The following GDA variants were observed in gnomAD, a reference collection of about 807,000 sequenced individuals.
GDA encodes cytoplasmic PSD-95 interactor.
A neutral mutation model predicts 59.6 loss-of-function variants in GDA; 18 were observed. That is an observed-to-expected ratio of 0.30 (90% CI 0.21 to 0.45). GDA has a LOEUF of 0.45. Ranked by LOEUF, GDA falls within the 20% of genes least tolerant of loss-of-function variation. GDA has a pLI of 1.00. For synonymous variants in GDA, 201 were observed against 201.1 expected, an observed-to-expected ratio of 1.00 and a Z score of 0.00; for missense variants, 427 against 552.3, an observed-to-expected ratio of 0.77 and a Z score of 2.27.
At chr9:72,152,167 T>C (rs1564165883) in intron 1 of GDA, among the ~76,000 whole-genome samples, 1 of 152,184 alleles carries the variant, frequency 6.6e-6, no homozygotes, top group Non-Finnish European at 1.5e-5. Context: ...GGACAAGCTG[T>C]GTGAAGTATC....
At chr9:72,121,092 T>A (rs896325142) in intron 1 of GDA, among the ~76,000 whole-genome samples, 4 of 152,130 alleles carry the variant, frequency 2.6e-5, no homozygotes, top group Admixed American at 6.6e-5. Context: ...AAATGGCAAC[T>A]CCCATTCACT....
At chr9:72,211,935 T>C (rs547356514) in intron 4 of GDA, among the ~76,000 whole-genome samples, 5 of 152,280 alleles carry the variant, frequency 3.3e-5, no homozygotes, top group African/African-American at 1.2e-4. Flanking sequence ...AGTGGTATTT[T>C]AAGGAAGATT....
At position 72,227,986 on chromosome 9, in the gene GDA, A is replaced by C. The variant is rs759881702; in HGVS notation, c.866A>C (p.Asn289Thr). 3 of 1,609,796 alleles carry C rather than the reference A, an allele frequency of 1.9e-6. No individual in the cohort carries two copies. The highest frequency in any genetic ancestry group is 1.3e-5 in the African/African-American group (1 of 74,962). Residue 289 changes from asparagine (N) to threonine (T), a missense_variant, in exon 9 of 14, where the codon AAC (asparagine) becomes ACC (threonine). Transcript: ENST00000358399. ...TGCTACCTCTCTGCAGAAGAACTGA[A>C]CGTATTCCATGAACGAGGAGCATCC... Reference protein sequence around the residue: ...HGCYLSAEELNVFHERGASIA... With the variant: ...HGCYLSAEELTVFHERGASIA...
Position 72,248,330 on chromosome 9 carries a change from C to T in GDA, c.1353C>T (p.Ser451=). 2 of 1,613,684 alleles carry T rather than the reference C, an allele frequency of 1.2e-6. No individual in the cohort carries two copies. Among genetic ancestry groups the T allele is most frequent in the Non-Finnish European group, 1.7e-6 (2 of 1,179,656 alleles). ...YVGGKQVVPF[S]SSV is the part of the protein sequence containing the mutation. ...GCGGAAAGCAGGTGGTTCCGTTTTC[C>T]AGCTCAGTGTAAGACCCTCGGGCGT... Residue 451 remains serine (S), a synonymous_variant, in exon 14 of 14, where the codon TCC becomes TCT. Transcript: ENST00000358399.
At chr9:72,125,341 T>TCCC (rs1564146671) in intron 1 of GDA, among the ~76,000 whole-genome samples, 1 of 109,588 alleles carries the variant, frequency 9.1e-6, no homozygotes, top group Non-Finnish European at 1.9e-5. Flanking sequence ...CCTCCCTCCC[T>TCCC]TCCTTCCTCT....
chr9:72,256,233 C>A (rs375763687), downstream of GDA, among the ~76,000 whole-genome samples: 1 of 152,058 alleles, frequency 6.6e-6, no homozygotes, highest in African/African-American at 2.4e-5. Flanking sequence ...AAATAATGGC[C>A]TATTAAGTCA....
chr9:72,239,551 ATAGT>A (rs777395186), intron 10 of GDA, among the ~76,000 whole-genome samples: 2 of 152,126 alleles, frequency 1.3e-5, no homozygotes, highest in South Asian at 2.1e-4. Flanking sequence ...ATTATAAAAT[ATAGT>A]TAGTCTTTAC....
Position 72,202,557 on chromosome 9 carries a change from A to G in GDA, c.213-14A>G, listed in dbSNP as rs750486743. The G allele has an allele frequency of 6.6e-7, 1 of 1,510,286 alleles. No individual in the cohort carries two copies. Among genetic ancestry groups the G allele is most frequent in the East Asian group, 2.3e-5 (1 of 43,910 alleles). 93.6% of individuals were successfully genotyped at this position (1,510,286 alleles called of 1,614,324 possible). Reference sequence around the variant, plus strand: ...GATATTATTAAATACTTTTATTCTCATCTTAATTTCCAGTGAGTTCTTCAT... The same window carrying G: ...GATATTATTAAATACTTTTATTCTCGTCTTAATTTCCAGTGAGTTCTTCAT... On this transcript the variant is annotated splice_polypyrimidine_tract_variant and intron_variant, in intron 2 of 13. Transcript: ENST00000358399.
chr9:72,250,684 G>T lies in GDA; in HGVS notation c.*2342G>T, dbSNP rs1239269078. ...AATGTAGGTTGACTTTCTGAATTGT[G>T]GAGAGGCACTTTTCCAAGCCAATCT... On this transcript the variant is annotated 3_prime_UTR_variant, in exon 14 of 14. Transcript: ENST00000358399. 2.5e-6 allele frequency: 4 copies of T among 1,610,328 alleles called. No homozygotes were observed. The highest frequency in any genetic ancestry group is 1.7e-4 in the Middle Eastern group (1 of 6,050).
chr9:72,234,800 TC>T (rs1838773324), intron 10 of GDA, among the ~76,000 whole-genome samples: 1 of 152,204 alleles, frequency 6.6e-6, no homozygotes, highest in African/African-American at 2.4e-5. Context: ...AAGTCAATTA[TC>T]AACAAAACAA....
chr9:72,205,007 G>A (rs1382567000), intron 3 of GDA, among the ~76,000 whole-genome samples: 1 of 151,560 alleles, frequency 6.6e-6, no homozygotes, highest in Non-Finnish European at 1.5e-5. Flanking sequence ...AGCTACTCAG[G>A]AGGCTGAGGC....
intron 12 of GDA, among the ~76,000 whole-genome samples, chr9:72,246,243 G>A (rs1161790933): frequency 6.6e-6 from 1 of 152,162 alleles, no homozygotes; most frequent in Non-Finnish European, 1.5e-5. Context: ...TGCCTCCTGG[G>A]TTCAAGCAGC....
chr9:72,180,776 A>G (rs1263781759), intron 1 of GDA, among the ~76,000 whole-genome samples: 1 of 152,234 alleles, frequency 6.6e-6, no homozygotes, highest in African/African-American at 2.4e-5. Context: ...TAGGAAAAAA[A>G]AATAAATTAG....
intron 10 of GDA, among the ~76,000 whole-genome samples, chr9:72,234,591 GT>G (rs551595986): frequency 7.9e-4 from 121 of 152,226 alleles, no homozygotes; most frequent in Admixed American, 3.3e-3. Context: ...AACACATGGG[GT>G]TTTTTTCTGA....
At chr9:72,202,098 C>T (rs1834071345) in intron 2 of GDA, among the ~76,000 whole-genome samples, 1 of 152,210 alleles carries the variant, frequency 6.6e-6, no homozygotes, top group African/African-American at 2.4e-5. Context: ...AAGATGACTG[C>T]TGAGTCTAAA....
At chr9:72,191,889 T>C (rs1036196253) in intron 1 of GDA, among the ~76,000 whole-genome samples, 3 of 151,974 alleles carry the variant, frequency 2.0e-5, no homozygotes, top group Non-Finnish European at 4.4e-5. Context: ...TGCCTAGCCA[T>C]GTTTCTTTCC....
intron 1 of GDA, among the ~76,000 whole-genome samples, chr9:72,127,181 G>T (rs1052698129): frequency 5.3e-5 from 8 of 151,756 alleles, no homozygotes; most frequent in Non-Finnish European, 1.0e-4. Flanking sequence ...ACTACTAAAC[G>T]GAGTAGAGTA....
chr9:72,116,366 C>T (rs1825443016), intron 1 of GDA, among the ~76,000 whole-genome samples: 2 of 150,812 alleles, frequency 1.3e-5, no homozygotes, highest in South Asian at 4.2e-4. Flanking sequence ...GACTCTACAC[C>T]TCTATGAAGT....
rs146034440 is a variant in GDA at position 72,203,999 on chromosome 9, T to G, written c.384+1257T>G. 2.0e-5 allele frequency among the ~76,000 whole-genome samples: 3 copies of G among 152,208 alleles called. No individual in the cohort carries two copies. The East Asian group carries it at 5.8e-4, about 29-fold the overall frequency. ...ACCCAGCTAATTTTTCTATTTTTAGTAGAGACGGGGTTTCACCATATTGCT... is the reference window on the plus strand; with the variant it reads ...ACCCAGCTAATTTTTCTATTTTTAGGAGAGACGGGGTTTCACCATATTGCT... On this transcript the variant is annotated intron_variant, in intron 3 of 13. Transcript: ENST00000358399.
Sources: gnomAD v4.1 joint callset for allele counts (sites outside exome capture counted in the v4.1 genomes callset) on GRCh38, gnomAD v4.1.1 for gene constraint, MANE v1.5 for transcripts, NCBI Gene and HGNC (gene_info 2026-07-23, HGNC 2026-07-21) for gene names.